CNTN5: variants seen among roughly 807,000 people sequenced by gnomAD.
The protein encoded by CNTN5 is contactin 5, also known as contactin-5.
A neutral mutation model predicts 129.1 loss-of-function variants in CNTN5; 77 were observed. The ratio of observed to expected loss-of-function variants is 0.60; its 90% confidence interval spans 0.50 to 0.72. CNTN5 has a LOEUF of 0.72. Ranked by LOEUF, CNTN5 falls within the 30% of genes least tolerant of loss-of-function variation. The pLI, the probability that CNTN5 is intolerant of heterozygous loss-of-function variation, is 0.00. For synonymous variants in CNTN5, 509 were observed against 465.6 expected, an observed-to-expected ratio of 1.09 and a Z score of -1.20; for missense variants, 1,478 against 1,328.8, an observed-to-expected ratio of 1.11 and a Z score of -1.75.
intron 2 of CNTN5, among the ~76,000 whole-genome samples, chr11:99,552,439 T>G (rs1181737060): frequency 6.6e-6 from 1 of 152,074 alleles, no homozygotes; most frequent in Non-Finnish European, 1.5e-5. Flanking sequence ...TAGTTTAACC[T>G]CAGGCACTGA....
chr11:99,155,168 T>C (rs1026843112), intron 1 of CNTN5, among the ~76,000 whole-genome samples: 3 of 152,154 alleles, frequency 2.0e-5, no homozygotes, highest in Admixed American at 6.5e-5. Flanking sequence ...TGGTGCTTGG[T>C]AGCCTTGTGC....
intron 1 of CNTN5, among the ~76,000 whole-genome samples, chr11:99,238,561 T>C (rs1370286992): frequency 6.6e-6 from 1 of 152,192 alleles, no homozygotes; most frequent in Non-Finnish European, 1.5e-5. Context: ...CATAATAACA[T>C]CATACAGTTT....
At chr11:100,271,563 A>G (rs1950408464) in intron 18 of CNTN5, among the ~76,000 whole-genome samples, 1 of 150,548 alleles carries the variant, frequency 6.6e-6, no homozygotes, top group African/African-American at 2.4e-5. Flanking sequence ...GCATACACTT[A>G]AGATTTAGAA....
rs2139057068 is a variant in CNTN5 at position 100,358,630 on chromosome 11, T to C, written c.*2410T>C. On this transcript the variant is annotated 3_prime_UTR_variant, in exon 25 of 25. Transcript: ENST00000524871. ...TTAAATCACTAAAGAGACTGTATTT[T>C]TGTATAATGTCCATTGAATATGAAG... 1 of 151,978 alleles carries C rather than the reference T, an allele frequency of 6.6e-6. No individual in the cohort carries two copies. Among genetic ancestry groups the C allele is most frequent in the Admixed American group, 6.6e-5 (1 of 15,228 alleles). The allele number at this position is 151,978 out of a possible 1,614,324, so 9.4% of individuals were successfully genotyped here. A position where few individuals can be genotyped will look rare whatever the true frequency, so the allele number is the denominator to read the frequency against.
intron 6 of CNTN5, among the ~76,000 whole-genome samples, chr11:99,914,194 A>G (rs1366267748): frequency 6.6e-6 from 1 of 152,050 alleles, no homozygotes; most frequent in Non-Finnish European, 1.5e-5. Flanking sequence ...TTATGATCAC[A>G]TCCTGCACTC....
chr11:99,790,909 A>G (rs139289621), intron 3 of CNTN5, among the ~76,000 whole-genome samples: 4 of 152,244 alleles, frequency 2.6e-5, no homozygotes, highest in African/African-American at 7.2e-5. Flanking sequence ...TCTAATGACT[A>G]GTAATATTGA....
intron 1 of CNTN5, among the ~76,000 whole-genome samples, chr11:99,171,615 C>T (rs1453242114): frequency 6.6e-6 from 1 of 152,112 alleles, no homozygotes; most frequent in Admixed American, 6.6e-5. Flanking sequence ...AATCAAGTCA[C>T]CTGAAGTGCT....
At chr11:99,406,512 C>G (rs185221437) in intron 2 of CNTN5, among the ~76,000 whole-genome samples, 3 of 152,060 alleles carry the variant, frequency 2.0e-5, no homozygotes, top group Admixed American at 6.5e-5. Context: ...TAAGCCAGCA[C>G]GGTATTGAGT....
chr11:100,056,738 T>C (rs1943243708), intron 9 of CNTN5, among the ~76,000 whole-genome samples: 1 of 151,568 alleles, frequency 6.6e-6, no homozygotes, highest in Non-Finnish European at 1.5e-5. Context: ...AGTAGTAGTT[T>C]TCTGGGGAGT....
intron 3 of CNTN5, among the ~76,000 whole-genome samples, chr11:99,663,821 T>G (rs1004385427): frequency 2.0e-5 from 3 of 152,212 alleles, no homozygotes; most frequent in Admixed American, 6.5e-5. Flanking sequence ...TAAACCTCTT[T>G]TCTTTATACT....
intron 3 of CNTN5, among the ~76,000 whole-genome samples, chr11:99,601,677 C>T (rs1950316109): frequency 6.6e-6 from 1 of 152,078 alleles, no homozygotes; most frequent in Non-Finnish European, 1.5e-5. Flanking sequence ...TTTTTCTTTC[C>T]TTAATTCTCA....
chr11:99,203,875 G>T (rs1056773508), intron 1 of CNTN5, among the ~76,000 whole-genome samples: 2 of 152,162 alleles, frequency 1.3e-5, no homozygotes, highest in African/African-American at 4.8e-5. Context: ...TGGGATTACA[G>T]GCGTGAGCCA....
At chr11:99,100,218 T>TA (rs1555043220) in intron 1 of CNTN5, among the ~76,000 whole-genome samples, 1 of 152,010 alleles carries the variant, frequency 6.6e-6, no homozygotes, top group Non-Finnish European at 1.5e-5. Flanking sequence ...AAAATATTTT[T>TA]TCTCTCTCTC....
intron 16 of CNTN5, among the ~76,000 whole-genome samples, chr11:100,240,597 T>C (rs1283671530): frequency 6.6e-6 from 1 of 152,204 alleles, no homozygotes; most frequent in African/African-American, 2.4e-5. Flanking sequence ...AATATAAAAT[T>C]AATGAGCCCA....
intron 8 of CNTN5, among the ~76,000 whole-genome samples, chr11:99,981,298 C>T (rs1335819160): frequency 6.6e-6 from 1 of 151,898 alleles, no homozygotes; most frequent in Non-Finnish European, 1.5e-5. Flanking sequence ...GACCACAGGC[C>T]TGATAACCCA....
rs1685258685 is a variant in CNTN5 at position 99,353,788 on chromosome 11, A to T, written c.-71+28304A>T. Among the ~76,000 whole-genome samples, 3 of 152,102 alleles carry T rather than the reference A, an allele frequency of 2.0e-5. No homozygotes were observed. The South Asian group carries it at 6.2e-4, about 32-fold the overall frequency. ...ACTTTTTTCTTTTGCCTTTAAATAAACCTTGTTTGATTACCCACATCATAG... is the reference window on the plus strand; with the variant it reads ...ACTTTTTTCTTTTGCCTTTAAATAATCCTTGTTTGATTACCCACATCATAG... On this transcript the variant is annotated intron_variant, in intron 2 of 24. Transcript: ENST00000524871.
intron 1 of CNTN5, among the ~76,000 whole-genome samples, chr11:99,237,611 G>T (rs1173330498): frequency 6.6e-6 from 1 of 152,098 alleles, no homozygotes; most frequent in African/African-American, 2.4e-5. Flanking sequence ...AACCCGGGAG[G>T]CGGAGGTTGC....
chr11:99,798,536 T>C (rs759639801), intron 3 of CNTN5, among the ~76,000 whole-genome samples: 14 of 152,166 alleles, frequency 9.2e-5, no homozygotes, highest in Non-Finnish European at 2.1e-4. Context: ...CTTTTTCTAC[T>C]GCTTGTTTTT....
At chr11:100,326,790 G>A (rs572728388) in intron 21 of CNTN5, among the ~76,000 whole-genome samples, 1 of 152,332 alleles carries the variant, frequency 6.6e-6, no homozygotes, top group East Asian at 1.9e-4. Flanking sequence ...TTTCTTTAAA[G>A]AAGTGGCCAA....
Sources: allele counts gnomAD v4.1 joint callset (sites outside exome capture counted in the v4.1 genomes callset), GRCh38; gene constraint gnomAD v4.1.1; transcripts MANE v1.5; gene names NCBI Gene and HGNC (gene_info 2026-07-23, HGNC 2026-07-21).